The following MCF2L variants were observed in gnomAD, a reference collection of about 807,000 sequenced individuals.
The protein encoded by MCF2L is MCF.2 cell line derived transforming sequence like.
Under a neutral mutation model 153.4 loss-of-function variants are expected in MCF2L, and 97 were observed. The ratio of observed to expected loss-of-function variants is 0.63; its 90% CI spans 0.54 to 0.75. The LOEUF is 0.75. Ranked by LOEUF, MCF2L falls within the 30% of genes least tolerant of loss-of-function variation. MCF2L has a pLI of 0.00. For missense variants in MCF2L, 1,347 were observed against 1,495.2 expected, an observed-to-expected ratio of 0.90 and a Z score of 1.64; for synonymous variants, 659 against 632.2, an observed-to-expected ratio of 1.04 and a Z score of -0.64.
At chr13:112,937,714 G>A (rs1345714840) in intron 2 of MCF2L, among the ~76,000 whole-genome samples, 3 of 152,080 alleles carry the variant, frequency 2.0e-5, no homozygotes, top group Admixed American at 6.6e-5. Flanking sequence ...ATGCAGCTGA[G>A]CCCTGATTAG....
At chr13:112,942,793 T>C (rs1265454354) in intron 2 of MCF2L, among the ~76,000 whole-genome samples, 1 of 152,234 alleles carries the variant, frequency 6.6e-6, no homozygotes, top group East Asian at 1.9e-4. Context: ...GATGTGGTTC[T>C]GCTCCCCTAT....
rs114371548 is a variant in MCF2L at position 113,092,222 on chromosome 13, C to T, written c.2954-2292C>T. ...CGGGTGGGCCCTGTGGGCCAAATGC[C>T]GCTTCTGCTGCACTTTGGCCAAGCT... On this transcript the variant is annotated intron_variant, in intron 26 of 29. Coordinates refer to ENST00000535094, the MANE Select transcript of MCF2L (RefSeq NM_001112732.3). Among the ~76,000 whole-genome samples, 235 of 152,370 alleles carry T rather than the reference C, an allele frequency of 1.5e-3. 1 individual carries two copies. Among genetic ancestry groups the T allele is most frequent in the East Asian group, 4.8e-3 (25 of 5,182 alleles).
chr13:113,006,760 G>A (rs1489020472), intron 1 of MCF2L, among the ~76,000 whole-genome samples: 1 of 152,206 alleles, frequency 6.6e-6, no homozygotes, highest in Non-Finnish European at 1.5e-5. Context: ...CACCAGCCCT[G>A]CCCACTCAGC....
rs1252953898 is a variant in MCF2L, at chr13:113,065,094, G to T, written c.756+9G>T. Reference sequence around the variant, plus strand: ...AGAAGGACAAGGCGAAGGTACATGGGGGGTGCTCCGGCTGGAAGCTGTGGG... The same window carrying T: ...AGAAGGACAAGGCGAAGGTACATGGTGGGTGCTCCGGCTGGAAGCTGTGGG... On this transcript the variant is annotated intron_variant, in intron 7 of 29. Coordinates refer to ENST00000535094, the MANE Select transcript of MCF2L (RefSeq NM_001112732.3). 1 of 1,610,270 alleles carries T rather than the reference G, an allele frequency of 6.2e-7. No homozygotes were observed. Among genetic ancestry groups the T allele is most frequent in the Admixed American group, 1.7e-5 (1 of 59,832 alleles).
At position 113,078,348 on chromosome 13, in the gene MCF2L, C is replaced by G; in HGVS notation, c.1661-15C>G. Reference sequence around the variant, plus strand: ...CAGAGGGGACTTCATGCCCCGCTCCCCTTCTTCCCAACAGGCATTCGGCGA... The same window carrying G: ...CAGAGGGGACTTCATGCCCCGCTCCGCTTCTTCCCAACAGGCATTCGGCGA... On this transcript the variant is annotated splice_polypyrimidine_tract_variant and intron_variant, in intron 13 of 29. Coordinates refer to ENST00000535094, the MANE Select transcript of MCF2L (RefSeq NM_001112732.3). The G allele has an allele frequency of 1.9e-6, 3 of 1,610,600 alleles. No homozygotes were observed. The highest frequency in any genetic ancestry group is 2.5e-6 in the Non-Finnish European group (3 of 1,177,500).
At chr13:113,077,977 G>C (rs2033677269) in intron 13 of MCF2L, among the ~76,000 whole-genome samples, 1 of 152,246 alleles carries the variant, frequency 6.6e-6, no homozygotes, top group African/African-American at 2.4e-5. Flanking sequence ...CACAGGCGCT[G>C]TGTCCCCGTG....
At chr13:113,026,522 C>T (rs1194245036) in intron 3 of MCF2L, among the ~76,000 whole-genome samples, 1 of 152,228 alleles carries the variant, frequency 6.6e-6, no homozygotes, top group African/African-American at 2.4e-5. Context: ...TCTGACTTAG[C>T]CTGAGCGCTG....
chr13:113,021,851 A>AT (rs2084905276), intron 2 of MCF2L, among the ~76,000 whole-genome samples: 1 of 152,174 alleles, frequency 6.6e-6, no homozygotes, highest in Non-Finnish European at 1.5e-5. Context: ...TTTGCTTTGC[A>AT]TTGAGGCTGT....
intron 18 of MCF2L, 118 bp downstream of exon 18, chr13:113,084,185 C>T: frequency 1.1e-6 from 1 of 891,094 alleles, no homozygotes; most frequent in Non-Finnish European, 1.8e-6. Flanking sequence ...ACGATGTTTT[C>T]AATTTGGCTG....
At chr13:112,982,348 G>A (rs1485754554) in intron 1 of MCF2L, among the ~76,000 whole-genome samples, 1 of 152,196 alleles carries the variant, frequency 6.6e-6, no homozygotes, top group Non-Finnish European at 1.5e-5. Context: ...AGGACTGGAC[G>A]CTGGGCCAAG....
In MCF2L at chr13:112,908,874, C is replaced by T. The variant is rs541945127; in HGVS notation, c.169+6503C>T. On this transcript the variant is annotated intron_variant, in intron 2 of 29. Transcript: ENST00000375608. ...CCAAGTAGCTGGGACTACAGATGCA[C>T]GCCACCGCAACTGGCTAATTTTTGT... is the stretch of plus-strand genomic sequence containing the variant. Among the ~76,000 whole-genome samples, 6 of 151,844 alleles carry T rather than the reference C, an allele frequency of 4.0e-5. 1 individual carries two copies. The South Asian group carries it at 6.2e-4, about 16-fold the overall frequency.
intron 2 of MCF2L, among the ~76,000 whole-genome samples, chr13:112,945,743 A>T (rs538804842): frequency 1.6e-4 from 25 of 152,236 alleles, no homozygotes; most frequent in Admixed American, 1.4e-3. Context: ...AGAATGATAA[A>T]GTGTGCCTGG....
chr13:113,058,257 T>G (rs1218938698), intron 4 of MCF2L, among the ~76,000 whole-genome samples: 1 of 151,214 alleles, frequency 6.6e-6, no homozygotes. Context: ...GTGTGGGCGC[T>G]GAGTGGGCAT....
At chr13:113,077,345 C>T in intron 13 of MCF2L, 134 bp downstream of exon 13, 1 of 1,096,362 alleles carries the variant, frequency 9.1e-7, no homozygotes, top group Non-Finnish European at 1.3e-6. Context: ...CACCTCCGGG[C>T]CCCAGTTCAG....
intron 27 of MCF2L, chr13:113,095,968 C>A: frequency 2.4e-6 from 1 of 412,704 alleles, no homozygotes; most frequent in Non-Finnish European, 3.9e-6. Flanking sequence ...GGCAGGACAG[C>A]TGCAGGGAGA....
At chr13:112,963,986 GGAA>G (rs1167153279) in intron 2 of MCF2L, among the ~76,000 whole-genome samples, 2 of 152,248 alleles carry the variant, frequency 1.3e-5, no homozygotes, top group Non-Finnish European at 2.9e-5. Context: ...AGCCCCCACT[GGAA>G]GGGCTGTGGA....
intron 2 of MCF2L, among the ~76,000 whole-genome samples, chr13:113,019,409 T>C (rs1195126193): frequency 1.3e-5 from 2 of 152,218 alleles, no homozygotes; most frequent in East Asian, 3.8e-4. Context: ...CTGAGGCCGA[T>C]GGCTTTTTGA....
intron 1 of MCF2L, among the ~76,000 whole-genome samples, chr13:112,974,652 G>A (rs1374395509): frequency 6.6e-6 from 1 of 152,172 alleles, no homozygotes; most frequent in Non-Finnish European, 1.5e-5. Flanking sequence ...ATGAACTCCA[G>A]AATTAGAACT....
intron 1 of MCF2L, among the ~76,000 whole-genome samples, chr13:112,996,470 G>C (rs1566706716): frequency 6.6e-6 from 1 of 152,220 alleles, no homozygotes; most frequent in Non-Finnish European, 1.5e-5. Context: ...GGCTGGGACG[G>C]GCCAGGCTCG....
Sources: gnomAD v4.1 joint callset for allele counts (sites outside exome capture counted in the v4.1 genomes callset) on GRCh38, gnomAD v4.1.1 for gene constraint, MANE v1.5 for transcripts, NCBI Gene and HGNC (gene_info 2026-07-23, HGNC 2026-07-21) for gene names.